AGO2: variants seen among roughly 807,000 people sequenced by gnomAD.
The protein encoded by AGO2 is protein argonaute-2.
Under a neutral mutation model 102.3 loss-of-function variants are expected in AGO2, and 5 were observed. That is an observed-to-expected ratio of 0.05 (90% CI 0.03 to 0.10). The LOEUF (loss-of-function observed/expected upper bound fraction) is 0.10, where lower values mean the gene tolerates loss of function less well. Ranked by LOEUF, AGO2 falls within the 10% of genes least tolerant of loss-of-function variation. The pLI is 1.00. For synonymous variants in AGO2, 449 were observed against 473.1 expected (o/e 0.95, Z 0.66); for missense variants, 541 against 1,183.7 (o/e 0.46, Z 7.97).
At chr8:140,602,523 A>G (rs116978776) in intron 1 of AGO2, among the ~76,000 whole-genome samples, 15 of 152,370 alleles carry the variant, frequency 9.8e-5, no homozygotes, top group Non-Finnish European at 1.8e-4. Context: ...CCGTCAGAAC[A>G]GACTCCGTGA....
At chr8:140,576,169 C>T (rs1269865922) in intron 2 of AGO2, among the ~76,000 whole-genome samples, 1 of 152,126 alleles carries the variant, frequency 6.6e-6, no homozygotes, top group Non-Finnish European at 1.5e-5. Flanking sequence ...AAAAAATTAG[C>T]TGGGTGTAGT....
chr8:140,575,123 G>A (rs1415318228), intron 2 of AGO2, among the ~76,000 whole-genome samples: 1 of 152,110 alleles, frequency 6.6e-6, no homozygotes, highest in Non-Finnish European at 1.5e-5. Flanking sequence ...AGCTGCACCC[G>A]CCTCTGACAG....
intron 2 of AGO2, among the ~76,000 whole-genome samples, chr8:140,580,487 G>A (rs1212254140): frequency 2.6e-5 from 4 of 152,216 alleles, no homozygotes; most frequent in East Asian, 3.8e-4. Context: ...TGAGCAGCAC[G>A]ACGGAGGAGC....
At chr8:140,584,338 G>C (rs1436007751) in intron 2 of AGO2, among the ~76,000 whole-genome samples, 2 of 152,232 alleles carry the variant, frequency 1.3e-5, no homozygotes, top group East Asian at 1.9e-4. Context: ...ACCACACCGC[G>C]TGCTGGTGGG....
chr8:140,586,767 G>T (rs1178992110), intron 1 of AGO2, among the ~76,000 whole-genome samples: 1 of 152,166 alleles, frequency 6.6e-6, no homozygotes, highest in African/African-American at 2.4e-5. Flanking sequence ...CCAACACGTG[G>T]CCCTGTTCTC....
intron 2 of AGO2, among the ~76,000 whole-genome samples, chr8:140,580,486 C>T (rs922073564): frequency 3.3e-5 from 5 of 152,182 alleles, no homozygotes; most frequent in African/African-American, 4.8e-5. Flanking sequence ...CTGAGCAGCA[C>T]GACGGAGGAG....
At chr8:140,598,330 G>A (rs2073879402) in intron 1 of AGO2, among the ~76,000 whole-genome samples, 1 of 152,250 alleles carries the variant, frequency 6.6e-6, no homozygotes, top group South Asian at 2.1e-4. Flanking sequence ...TCAACAGGAA[G>A]CAGACGTTTG....
chr8:140,630,281 G>C (rs1359531772), intron 1 of AGO2, among the ~76,000 whole-genome samples: 4 of 152,188 alleles, frequency 2.6e-5, no homozygotes, highest in African/African-American at 9.7e-5. Flanking sequence ...GACAGTTCTT[G>C]TGTCTGCCTT....
At chr8:140,532,370 G>T in intron 18 of AGO2, 46 bp downstream of exon 18, 1 of 1,574,276 alleles carries the variant, frequency 6.4e-7, no homozygotes, top group Non-Finnish European at 8.6e-7. Flanking sequence ...AATACCCGTG[G>T]CAAAAACCAC....
rs543942234 is a variant in AGO2 at position 140,540,441 on chromosome 8, G to T, written c.2034+723C>A. On this transcript the variant is annotated intron_variant, in intron 15 of 18. Coordinates refer to ENST00000220592, the MANE Select transcript of AGO2 (RefSeq NM_012154.5). The surrounding 1 kb of genome is among the most constrained non-coding windows in gnomAD (Gnocchi z 5.0). ...CAAGGAAGCGACCGTGTGGCATGGC[G>T]AGGGGTGGGGAGGAATCGGCTCTAG... Among the ~76,000 whole-genome samples the T allele has an allele frequency of 6.6e-6, 1 of 152,226 alleles. No individual in the cohort carries two copies. The highest frequency in any genetic ancestry group is 1.5e-5 in the Non-Finnish European group (1 of 68,032).
Position 140,556,303 on chromosome 8 carries a change from G to C in AGO2, c.1027-17C>G. 2 of 1,613,618 alleles carry C rather than the reference G, an allele frequency of 1.2e-6. No homozygotes were observed. Among genetic ancestry groups the C allele is most frequent in the Non-Finnish European group, 1.7e-6 (2 of 1,179,784 alleles). ...GTTACAGACCTGTGAAGAGGACGTA[G>C]AGACAGGCCGTCAGTGCCGCACTGG... On this transcript the variant is annotated splice_polypyrimidine_tract_variant and intron_variant, in intron 8 of 18. Transcript: ENST00000220592.
At chr8:140,562,978 G>C (rs1233777705) in intron 3 of AGO2, among the ~76,000 whole-genome samples, 11 of 152,050 alleles carry the variant, frequency 7.2e-5, no homozygotes, top group Non-Finnish European at 8.8e-5. Context: ...CCTCACCTAT[G>C]GGTTGCACCT....
chr8:140,553,396 AGTTTTTT>A (rs1487220731), intron 10 of AGO2, among the ~76,000 whole-genome samples: 7 of 140,146 alleles, frequency 5.0e-5, no homozygotes, highest in East Asian at 2.1e-4. Flanking sequence ...ACAAGTTACA[AGTTTTTT>A]GTTTTTTGTT....
intron 1 of AGO2, among the ~76,000 whole-genome samples, chr8:140,629,167 C>CT (rs1300766823): frequency 6.6e-6 from 1 of 152,094 alleles, no homozygotes; most frequent in Non-Finnish European, 1.5e-5. Context: ...GGGCCACGGA[C>CT]TTTTTTGACA....
In AGO2 at chr8:140,557,165, T is replaced by C; in HGVS notation, c.950A>G (p.Lys317Arg). ...TVAQYFKDRH[K>R]LVLRYPHLPC... Reference sequence around the variant, plus strand: ...GAGGTGGGGGTAGCGCAGAACCAACTTGTGCCTGTCCTTGAAATACTGGGC... The same window carrying C: ...GAGGTGGGGGTAGCGCAGAACCAACCTGTGCCTGTCCTTGAAATACTGGGC... The change falls in exon 8 of 19, where the codon AAG becomes AGG. Residue 317 changes from lysine to arginine, a missense_variant. Physicochemically the swap from Lys to Arg is conservative, Grantham distance 26. This residue lies in a region of AGO2 where 38 missense variants were observed against 68.1 expected (regional missense o/e 0.56). Transcript: ENST00000220592. This position sits in a 1 kb window ranked among gnomAD's most constrained non-coding sequence, Gnocchi z 5.9. The C allele has an allele frequency of 6.2e-7, 1 of 1,614,098 alleles. No individual in the cohort carries two copies. The highest frequency in any genetic ancestry group is 8.5e-7 in the Non-Finnish European group (1 of 1,180,010).
rs2072598191 is a variant in AGO2, at chr8:140,531,744, G to A, written c.*300C>T. On this transcript the variant is annotated 3_prime_UTR_variant, in exon 19 of 19. Coordinates refer to ENST00000220592, the MANE Select transcript of AGO2 (RefSeq NM_012154.5). The stretch of plus-strand genomic sequence containing the variant: ...TAAATTAAAAATGTTTTAAAGCCCT[G>A]AGTTCATAGACTGGTTTTAGGAGAT... 4.0e-6 allele frequency: 1 copy of A among 248,268 alleles called. No homozygotes were observed. The highest frequency in any genetic ancestry group is 7.9e-6 in the Non-Finnish European group (1 of 126,922). 15.4% of individuals were successfully genotyped at this position (248,268 alleles called of 1,614,324 possible).
intron 1 of AGO2, among the ~76,000 whole-genome samples, chr8:140,615,120 T>C (rs2074124274): frequency 6.6e-6 from 1 of 152,140 alleles, no homozygotes. Flanking sequence ...GTGCAGTGAC[T>C]CATGTCTGTA....
At chr8:140,614,658 C>G (rs1428426272) in intron 1 of AGO2, among the ~76,000 whole-genome samples, 3 of 152,194 alleles carry the variant, frequency 2.0e-5, no homozygotes, top group Non-Finnish European at 4.4e-5. Context: ...AGGAGCCACA[C>G]GAGTCAAGGT....
chr8:140,576,535 G>A (rs1487666727), intron 2 of AGO2, among the ~76,000 whole-genome samples: 1 of 152,170 alleles, frequency 6.6e-6, no homozygotes, highest in Non-Finnish European at 1.5e-5. Context: ...ATCAAAGGGT[G>A]TTCATCACTC....
Sources: allele counts gnomAD v4.1 joint callset (sites outside exome capture counted in the v4.1 genomes callset), GRCh38; gene constraint gnomAD v4.1.1; regional missense constraint gnomAD v4.1.1; non-coding constraint Gnocchi (gnomAD v3.1); transcripts MANE v1.5; gene names NCBI Gene and HGNC (gene_info 2026-07-23, HGNC 2026-07-21).